Variants in PCDH15 observed in about 807,000 individuals in gnomAD.
PCDH15 encodes the protein protocadherin related 15.
In PCDH15, 129 loss-of-function variants were observed where a neutral mutation model predicts 178.5. The observed-to-expected ratio is 0.72, with a 90% CI of 0.63 to 0.84. The LOEUF (loss-of-function observed/expected upper bound fraction) is 0.84. PCDH15 is among the 40% of genes least tolerant of loss of function. The pLI is 0.00. For missense variants in PCDH15, 2,230 were observed against 2,099.9 expected (o/e 1.06, Z -1.21); for synonymous variants, 800 against 732.0 (o/e 1.09, Z -1.50).
chr10:54,577,392 G>GA (rs1255664678), intron 2 of PCDH15, among the ~76,000 whole-genome samples: 1 of 151,676 alleles, frequency 6.6e-6, no homozygotes, highest in East Asian at 1.9e-4. Flanking sequence ...GCTCCCGGCT[G>GA]AAAATTTTAA....
intron 2 of PCDH15, among the ~76,000 whole-genome samples, chr10:54,541,483 T>C (rs1344859982): frequency 6.6e-6 from 1 of 152,094 alleles, no homozygotes; most frequent in African/African-American, 2.4e-5. Flanking sequence ...AAACTAAAAA[T>C]AAACAACTCT....
At chr10:54,771,114 A>G (rs998426389) in intron 1 of PCDH15, among the ~76,000 whole-genome samples, 1 of 152,080 alleles carries the variant, frequency 6.6e-6, no homozygotes, top group East Asian at 1.9e-4. Context: ...TGAACCAGAT[A>G]GGTACTTTGA....
intron 2 of PCDH15, among the ~76,000 whole-genome samples, chr10:54,612,104 T>C (rs942452277): frequency 6.6e-6 from 1 of 151,852 alleles, no homozygotes; most frequent in Non-Finnish European, 1.5e-5. Context: ...GGCAGAGTGG[T>C]AGCATAACAC....
At chr10:54,773,078 C>T (rs931938108) in intron 1 of PCDH15, among the ~76,000 whole-genome samples, 1 of 151,546 alleles carries the variant, frequency 6.6e-6, no homozygotes, top group Non-Finnish European at 1.5e-5. Flanking sequence ...TGGGGAACAA[C>T]ACATACTGGG....
Position 54,349,660 on chromosome 10 carries a change from A to G in PCDH15, c.475-3176T>C, listed in dbSNP as rs187071260. 5.9e-3 allele frequency among the ~76,000 whole-genome samples: 896 copies of G among 151,300 alleles called. 6 individuals carry two copies. Among genetic ancestry groups the G allele is most frequent in the African/African-American group, 0.02 (836 of 41,224 alleles). ...TGTTTAATATGTAGTCCTTTAAAAT[A>G]AACTCTACATTGTTATAATGTTTAA... On this transcript the variant is annotated intron_variant, in intron 5 of 37. Coordinates refer to ENST00000644397, the MANE Select transcript of PCDH15 (RefSeq NM_001384140.1).
intron 3 of PCDH15, among the ~76,000 whole-genome samples, chr10:54,412,721 TTGC>T (rs1417793764): frequency 1.3e-5 from 2 of 152,088 alleles, no homozygotes; most frequent in Non-Finnish European, 2.9e-5. Context: ...ATTGTTTTTG[TTGC>T]TGTTGTTTCT....
rs770378440 is a variant in PCDH15, at chr10:55,259,831, G to A, written c.-156+59768C>T. Among the ~76,000 whole-genome samples the A allele has an allele frequency of 1.2e-3, 160 of 137,336 alleles. 1 individual carries two copies. Among genetic ancestry groups the A allele is most frequent in the Non-Finnish European group, 6.1e-4 (40 of 66,000 alleles). 90.1% of individuals were successfully genotyped at this position (137,336 alleles called of 152,430 possible). ...GCAGGAGAATTGCTTGAACCTGGGAGGCAGAGGTTGAGGTGAGCCGAGATT... is the reference window on the plus strand; with the variant it reads ...GCAGGAGAATTGCTTGAACCTGGGAAGCAGAGGTTGAGGTGAGCCGAGATT... On this transcript the variant is annotated intron_variant, in intron 1 of 5. Coordinates refer to the PCDH15 transcript ENST00000458638.
chr10:54,246,887 CT>C (rs2055992333), intron 8 of PCDH15, among the ~76,000 whole-genome samples: 1 of 151,808 alleles, frequency 6.6e-6, no homozygotes, highest in Admixed American at 6.6e-5. Flanking sequence ...GTTGCTTTAA[CT>C]TGAATTTTGA....
chr10:55,453,171 G>A (rs983741055), intron 2 of PCDH15, among the ~76,000 whole-genome samples: 5 of 152,108 alleles, frequency 3.3e-5, no homozygotes, highest in African/African-American at 4.8e-5. Flanking sequence ...ATTTAGCCCT[G>A]TGCTTTCAGT....
intron 30 of PCDH15, among the ~76,000 whole-genome samples, chr10:53,829,187 T>C (rs2076878638): frequency 1.3e-5 from 2 of 152,214 alleles, no homozygotes; most frequent in Non-Finnish European, 2.9e-5. Flanking sequence ...TATTAGAATT[T>C]TACTTTGCTA....
At chr10:53,880,076 T>A (rs1390666951) in intron 26 of PCDH15, among the ~76,000 whole-genome samples, 1 of 152,258 alleles carries the variant, frequency 6.6e-6, no homozygotes, top group African/African-American at 2.4e-5. Flanking sequence ...AAACAAATAT[T>A]TTGTACTCCA....
intron 2 of PCDH15, among the ~76,000 whole-genome samples, chr10:55,567,153 T>G (rs1303700677): frequency 6.6e-6 from 1 of 151,890 alleles, no homozygotes; most frequent in Non-Finnish European, 1.5e-5. Flanking sequence ...GATTTTCAAT[T>G]ACGGTGTCAA....
chr10:54,450,818 G>A (rs1461247759), intron 3 of PCDH15, among the ~76,000 whole-genome samples: 1 of 151,654 alleles, frequency 6.6e-6, no homozygotes, highest in African/African-American at 2.4e-5. Context: ...CAAATGCTCT[G>A]TAAACAAAAT....
At chr10:55,481,911 C>T (rs770236268) in intron 2 of PCDH15, among the ~76,000 whole-genome samples, 1 of 151,796 alleles carries the variant, frequency 6.6e-6, no homozygotes, top group Non-Finnish European at 1.5e-5. Flanking sequence ...TCTCAGTGAT[C>T]TAATACTGTC....
intron 14 of PCDH15, among the ~76,000 whole-genome samples, chr10:54,138,281 G>T (rs1379642145): frequency 6.6e-6 from 1 of 151,940 alleles, no homozygotes; most frequent in Non-Finnish European, 1.5e-5. Flanking sequence ...TGTATCTTTT[G>T]TGGGACTAGA....
intron 2 of PCDH15, among the ~76,000 whole-genome samples, chr10:55,081,261 A>G (rs75675751): frequency 0.039 from 5,990 of 152,160 alleles, 294 homozygotes; most frequent in East Asian, 0.15. Flanking sequence ...ACGTATGATT[A>G]TCTCTTCACA....
chr10:55,148,607 C>T (rs775816963), intron 2 of PCDH15, among the ~76,000 whole-genome samples: 1 of 151,678 alleles, frequency 6.6e-6, no homozygotes, highest in Non-Finnish European at 1.5e-5. Flanking sequence ...TTCAGATCTA[C>T]AATTAAATGT....
At chr10:54,323,847 C>T (rs1175270906) in intron 7 of PCDH15, among the ~76,000 whole-genome samples, 1 of 152,136 alleles carries the variant, frequency 6.6e-6, no homozygotes, top group Non-Finnish European at 1.5e-5. Context: ...AAAAATAATG[C>T]TTCTATGAAC....
intron 10 of PCDH15, among the ~76,000 whole-genome samples, chr10:54,208,971 T>G (rs960960318): frequency 8.5e-5 from 13 of 152,080 alleles, no homozygotes; most frequent in African/African-American, 2.9e-4. Context: ...TCTTGTCTTT[T>G]TTTTTCCTCT....
Sources: allele counts gnomAD v4.1 joint callset (sites outside exome capture counted in the v4.1 genomes callset), GRCh38; gene constraint gnomAD v4.1.1; transcripts MANE v1.5; gene names NCBI Gene and HGNC (gene_info 2026-07-23, HGNC 2026-07-21).